LHX4: variants seen among roughly 807,000 people sequenced by gnomAD.
The protein encoded by LHX4 is LIM/homeobox protein Lhx4.
Under a neutral mutation model 39.2 loss-of-function variants are expected in LHX4, and 16 were observed. That is an observed-to-expected ratio of 0.41 (90% CI 0.28 to 0.62). The LOEUF is 0.62. LHX4 is among the 20% of genes least tolerant of loss of function. The probability of loss-of-function intolerance (pLI) is 0.33; values close to 1 mark genes in which losing one functional copy is unlikely to be tolerated. For missense variants in LHX4, 439 were observed against 511.9 expected (o/e 0.86, Z 1.37); for synonymous variants, 206 against 198.1 (o/e 1.04, Z -0.33).
Position 180,277,458 on chromosome 1 carries a change from T to C in LHX4, c.*2879T>C, listed in dbSNP as rs1054998257. ...TCTGCAGTGCCTGGCTGGTCGACTT[T>C]AGAGTAGGAAGCTCTTGAATCCAGG... On this transcript the variant is annotated 3_prime_UTR_variant, in exon 6 of 6. Transcript: ENST00000263726. The C allele has an allele frequency of 4.6e-5, 7 of 152,218 alleles. No individual in the cohort carries two copies. The highest frequency in any genetic ancestry group is 2.9e-5 in the Non-Finnish European group (2 of 68,046). The allele number at this position is 152,218 out of a possible 1,614,324, so 9.4% of individuals were successfully genotyped here. A position where few individuals can be genotyped will look rare whatever the true frequency, so the allele number is the denominator to read the frequency against.
intron 2 of LHX4, among the ~76,000 whole-genome samples, chr1:180,262,956 C>T (rs912580346): frequency 2.0e-5 from 3 of 152,194 alleles, no homozygotes; most frequent in East Asian, 1.9e-4. Context: ...GGATCAGCTC[C>T]AGCTGCTCTC....
chr1:180,264,757 T>C (rs1318374142), intron 2 of LHX4, among the ~76,000 whole-genome samples: 7 of 152,168 alleles, frequency 4.6e-5, no homozygotes, highest in Admixed American at 4.6e-4. Context: ...CGCAGAGAAC[T>C]CCTGCTCTAA....
upstream of LHX4, among the ~76,000 whole-genome samples, chr1:180,229,395 G>C (rs1029884682): frequency 6.6e-6 from 1 of 152,130 alleles, no homozygotes; most frequent in African/African-American, 2.4e-5. Context: ...GCGGACTCCG[G>C]CTGCAGGCCG....
chr1:180,258,679 C>G (rs1333107416), intron 2 of LHX4, among the ~76,000 whole-genome samples: 1 of 152,132 alleles, frequency 6.6e-6, no homozygotes, highest in East Asian at 1.9e-4. Flanking sequence ...TAGTTCACTT[C>G]TATTGTCTCA....
At chr1:180,261,781 A>G (rs982803950) in intron 2 of LHX4, among the ~76,000 whole-genome samples, 10 of 152,212 alleles carry the variant, frequency 6.6e-5, no homozygotes, top group African/African-American at 2.2e-4. Context: ...CAGCTTGTCC[A>G]TATCAGCTCG....
rs749659478 is a variant in LHX4 at position 180,248,438 on chromosome 1, G to T, written c.230G>T (p.Cys77Phe). ...TTCTCCAGGGCTGGGAGCGTCTACT[G>T]CAAGGAGGACTTCTTCAAGTAAGTC... ...RCFSRAGSVY[C>F]KEDFFKRFGT... The change falls in exon 2 of 6, where the codon TGC (cysteine) becomes TTC (phenylalanine). Residue 77 changes from cysteine (C) to phenylalanine (F), a missense_variant. By Grantham distance (205) the Cys-to-Phe change is radical. Coordinates refer to ENST00000263726, the MANE Select transcript of LHX4 (RefSeq NM_033343.4). 1 of 1,614,190 alleles carries T rather than the reference G, an allele frequency of 6.2e-7. No homozygotes were observed. Among genetic ancestry groups the T allele is most frequent in the Admixed American group, 1.7e-5 (1 of 60,036 alleles).
intron 2 of LHX4, among the ~76,000 whole-genome samples, chr1:180,249,457 G>A (rs993080960): frequency 3.3e-5 from 5 of 152,252 alleles, no homozygotes; most frequent in Non-Finnish European, 7.3e-5. Context: ...GGAGGTGGGG[G>A]TTAGGGATCA....
At chr1:180,231,690 C>T (rs75053232) in intron 1 of LHX4, among the ~76,000 whole-genome samples, 169 of 152,056 alleles carry the variant, frequency 1.1e-3, no homozygotes, top group Non-Finnish European at 2.0e-3. Flanking sequence ...GTTGTACTTC[C>T]GCCTGCGACT....
Position 180,274,482 on chromosome 1 carries a change from C to T in LHX4, c.1076C>T (p.Pro359Leu). 3 of 1,613,960 alleles carry T rather than the reference C, an allele frequency of 1.9e-6. No homozygotes were observed. In the South Asian group the frequency reaches 3.3e-5, roughly 18 times the overall value. Residue 359 changes from proline to leucine, a missense_variant, in exon 6 of 6, where the codon CCC becomes CTC. Pro to Leu is a moderately conservative substitution (Grantham distance 98). Transcript: ENST00000263726. ...ACGCTGAGAGCCATGGCTGGGGGACCCACCTCTGACATCTCCACAGGAAGC... is the reference window on the plus strand; with the variant it reads ...ACGCTGAGAGCCATGGCTGGGGGACTCACCTCTGACATCTCCACAGGAAGC... The part of the protein sequence containing the change: ...SQTLRAMAGG[P>L]TSDISTGSSV...
chr1:180,248,277 C>T lies in LHX4; in HGVS notation c.77-8C>T, dbSNP rs1408877324. On this transcript the variant is annotated splice_polypyrimidine_tract_variant and splice_region_variant and intron_variant, in intron 1 of 5. Coordinates refer to ENST00000263726, the MANE Select transcript of LHX4 (RefSeq NM_033343.4). ...GCTCACAGTGCCTCTCTCTCCTCTT[C>T]CTCACAGAGATTCCCCAGTGCGCTG... 1 of 1,613,808 alleles carries T rather than the reference C, an allele frequency of 6.2e-7. No individual in the cohort carries two copies.
chr1:180,228,864 C>T (rs74132408), upstream of LHX4, among the ~76,000 whole-genome samples: 10,574 of 152,232 alleles, frequency 0.069, 435 homozygotes, highest in African/African-American at 0.09. Context: ...GGGGAGGGCA[C>T]ACAGTCCCCC....
chr1:180,270,921 A>T (rs1388137102), intron 3 of LHX4: 2 of 253,170 alleles, frequency 7.9e-6, no homozygotes, highest in African/African-American at 4.4e-5. Context: ...CAAAGGTGAC[A>T]TGGCTGTGGG....
At chr1:180,257,787 C>G (rs573319032) in intron 2 of LHX4, among the ~76,000 whole-genome samples, 1 of 152,330 alleles carries the variant, frequency 6.6e-6, no homozygotes, top group African/African-American at 2.4e-5. Context: ...TCCATGGCAG[C>G]TCCACGCACA....
intron 1 of LHX4, among the ~76,000 whole-genome samples, chr1:180,245,967 C>G (rs1265759625): frequency 6.6e-6 from 1 of 151,614 alleles, no homozygotes; most frequent in Non-Finnish European, 1.5e-5. Flanking sequence ...TACTGATTGA[C>G]TGGACTGCGT....
rs1664156904 is a variant in LHX4, at chr1:180,230,712, G to A, written c.76+107G>A. The A allele has an allele frequency of 9.2e-7, 1 of 1,089,510 alleles. No homozygotes were observed. The allele number at this position is 1,089,510 out of a possible 1,614,324, so 67.5% of individuals were successfully genotyped here. On this transcript the variant is annotated intron_variant, in intron 1 of 5. Coordinates refer to ENST00000263726, the MANE Select transcript of LHX4 (RefSeq NM_033343.4). The surrounding 1 kb of genome is among the most constrained non-coding windows in gnomAD (Gnocchi z 5.8). ...GCTCAGGGGCCGGGAGGGGCTGGCG[G>A]CCGGGGCGCAGAGGCGGTCACAGGG...
chr1:180,248,912 C>T (rs767391909), intron 2 of LHX4, among the ~76,000 whole-genome samples: 1 of 152,228 alleles, frequency 6.6e-6, no homozygotes, highest in Non-Finnish European at 1.5e-5. Flanking sequence ...GTTTGCACAG[C>T]CTGCTTCAAG....
At chr1:180,251,465 A>C (rs957261917) in intron 2 of LHX4, among the ~76,000 whole-genome samples, 1 of 152,130 alleles carries the variant, frequency 6.6e-6, no homozygotes, top group South Asian at 2.1e-4. Flanking sequence ...CCAGCACAGA[A>C]TGCTTTGGTT....
chr1:180,272,802 A>G (rs1337656369), intron 5 of LHX4: 1 of 152,190 alleles, frequency 6.6e-6, no homozygotes, highest in Non-Finnish European at 1.5e-5. Flanking sequence ...TCCCAAGAGG[A>G]ATACCATATC....
intron 2 of LHX4, among the ~76,000 whole-genome samples, chr1:180,255,777 C>T (rs1647830532): frequency 6.6e-6 from 1 of 152,270 alleles, no homozygotes; most frequent in South Asian, 2.1e-4. Flanking sequence ...CTGGGCCACC[C>T]TCCCCGAGTG....
Sources: gnomAD v4.1 joint callset for allele counts (sites outside exome capture counted in the v4.1 genomes callset) on GRCh38, gnomAD v4.1.1 for gene constraint, Gnocchi (gnomAD v3.1) non-coding constraint, MANE v1.5 for transcripts, NCBI Gene and HGNC (gene_info 2026-07-23, HGNC 2026-07-21) for gene names.